Variants in RABGAP1L observed in about 807,000 individuals in gnomAD.
RABGAP1L encodes the protein RAB GTPase activating protein 1 like, also known as rab GTPase-activating protein 1-like.
Under a neutral mutation model 137.7 loss-of-function variants are expected in RABGAP1L, and 63 were observed. The ratio of observed to expected loss-of-function variants is 0.46; its 90% CI spans 0.37 to 0.56. The LOEUF (loss-of-function observed/expected upper bound fraction) is 0.56, where lower values mean the gene tolerates loss of function less well. RABGAP1L is among the 20% of genes least tolerant of loss of function. RABGAP1L has a pLI of 0.00. For synonymous variants in RABGAP1L, 431 were observed against 433.7 expected, an observed-to-expected ratio of 0.99 and a Z score of 0.08; for missense variants, 1,095 against 1,244.0, an observed-to-expected ratio of 0.88 and a Z score of 1.80.
At chr1:174,370,121 T>A (rs1170458919) in intron 11 of RABGAP1L, among the ~76,000 whole-genome samples, 2 of 152,220 alleles carry the variant, frequency 1.3e-5, no homozygotes, top group Non-Finnish European at 2.9e-5. Context: ...CCTCTTATAC[T>A]GTCACAGTGT....
intron 17 of RABGAP1L, among the ~76,000 whole-genome samples, chr1:174,742,537 A>C (rs1683530964): frequency 6.6e-6 from 1 of 152,160 alleles, no homozygotes; most frequent in African/African-American, 2.4e-5. Flanking sequence ...GAAGAAAGAA[A>C]AGTGGTATGA....
At chr1:174,696,866 G>A (rs1251485558) in intron 15 of RABGAP1L, among the ~76,000 whole-genome samples, 1 of 152,174 alleles carries the variant, frequency 6.6e-6, no homozygotes, top group African/African-American at 2.4e-5. Context: ...TTTTTATGAA[G>A]GTGTTTCTTG....
intron 13 of RABGAP1L, among the ~76,000 whole-genome samples, chr1:174,616,306 T>C (rs1671856438): frequency 6.6e-6 from 1 of 152,368 alleles, no homozygotes; most frequent in Admixed American, 6.5e-5. Context: ...ATGGTACAAA[T>C]TATTAGCTTT....
chr1:174,273,784 A>T (rs1337954435), intron 8 of RABGAP1L, among the ~76,000 whole-genome samples: 18 of 152,134 alleles, frequency 1.2e-4, no homozygotes, highest in Admixed American at 1.2e-3. Flanking sequence ...AGAATTATAG[A>T]ACTGGTATAA....
chr1:174,898,239 T>TA (rs1205146068), intron 19 of RABGAP1L, among the ~76,000 whole-genome samples: 11 of 152,274 alleles, frequency 7.2e-5, no homozygotes, highest in Non-Finnish European at 1.5e-5. Context: ...TTCAGGCCTG[T>TA]CTTACAGGTG....
At chr1:174,287,364 T>G (rs1268666469) in intron 10 of RABGAP1L, among the ~76,000 whole-genome samples, 1 of 152,236 alleles carries the variant, frequency 6.6e-6, no homozygotes, top group Non-Finnish European at 1.5e-5. Context: ...CTCTTTTGGT[T>G]AACATTTGCA....
intron 13 of RABGAP1L, among the ~76,000 whole-genome samples, chr1:174,458,644 A>G (rs1656315583): frequency 6.6e-6 from 1 of 152,108 alleles, no homozygotes; most frequent in African/African-American, 2.4e-5. Flanking sequence ...TACATTACTT[A>G]TATTTAGATT....
At chr1:174,954,423 AT>A (rs1668202718) in intron 19 of RABGAP1L, among the ~76,000 whole-genome samples, 2 of 152,342 alleles carry the variant, frequency 1.3e-5, no homozygotes, top group African/African-American at 4.8e-5. Flanking sequence ...TTTTAAAAAA[AT>A]GTTTCACTTT....
intron 17 of RABGAP1L, among the ~76,000 whole-genome samples, chr1:174,724,747 T>C (rs1244643558): frequency 1.3e-5 from 2 of 152,116 alleles, no homozygotes; most frequent in Non-Finnish European, 2.9e-5. Context: ...AAAAAATATA[T>C]ATGACTATAT....
intron 18 of RABGAP1L, among the ~76,000 whole-genome samples, chr1:174,809,623 G>A (rs1689667897): frequency 6.6e-6 from 1 of 152,168 alleles, no homozygotes; most frequent in Non-Finnish European, 1.5e-5. Context: ...TAATTGCATT[G>A]AAAATAGAAG....
At chr1:174,322,620 C>T (rs1231054665) in intron 11 of RABGAP1L, among the ~76,000 whole-genome samples, 1 of 152,166 alleles carries the variant, frequency 6.6e-6, no homozygotes, top group African/African-American at 2.4e-5. Flanking sequence ...CCTTATATTT[C>T]CTAGCCTTAG....
intron 13 of RABGAP1L, among the ~76,000 whole-genome samples, chr1:174,434,694 A>G (rs1653053091): frequency 1.3e-5 from 2 of 152,108 alleles, no homozygotes; most frequent in South Asian, 2.1e-4. Flanking sequence ...TTGTGGGTGT[A>G]TATTGGTATC....
intron 13 of RABGAP1L, among the ~76,000 whole-genome samples, chr1:174,471,853 A>T (rs896738966): frequency 6.6e-6 from 1 of 152,154 alleles, no homozygotes; most frequent in Non-Finnish European, 1.5e-5. Context: ...CAATATGACT[A>T]TATTTGAAAA....
chr1:174,966,398 T>C lies in RABGAP1L; in HGVS notation c.2434-2879T>C, dbSNP rs1322492064. Among the ~76,000 whole-genome samples the C allele has an allele frequency of 2.0e-5, 3 of 152,244 alleles. No homozygotes were observed. In the East Asian group the frequency reaches 5.8e-4, roughly 29 times the overall value. On this transcript the variant is annotated intron_variant, in intron 20 of 25. Coordinates refer to ENST00000681986, the MANE Select transcript of RABGAP1L (RefSeq NM_001366446.1). ...AGCCTGCATTGTGAAATATGTCATG[T>C]TGAAATTGTGCTGGTATTGTTACTC... is the stretch of plus-strand genomic sequence containing the variant.
chr1:174,416,127 A>G (rs1338462538), intron 13 of RABGAP1L, among the ~76,000 whole-genome samples: 9 of 150,550 alleles, frequency 6.0e-5, no homozygotes. Flanking sequence ...GTGACAGACC[A>G]TATCCCATTT....
At chr1:174,220,839 C>A in intron 2 of RABGAP1L, 133 bp from the exon 3 acceptor site, 1 of 748,258 alleles carries the variant, frequency 1.3e-6, no homozygotes, top group Non-Finnish European at 1.9e-6. Flanking sequence ...TGTGAAACAA[C>A]TTCTTAGTAT....
chr1:174,731,928 C>T (rs1276141183), intron 17 of RABGAP1L, among the ~76,000 whole-genome samples: 1 of 152,284 alleles, frequency 6.6e-6, no homozygotes. Context: ...ATGGGCTGGG[C>T]GTGGTGGTTC....
chr1:174,306,035 A>G (rs975525904), intron 11 of RABGAP1L, among the ~76,000 whole-genome samples: 21 of 152,042 alleles, frequency 1.4e-4, no homozygotes, highest in Non-Finnish European at 2.6e-4. Flanking sequence ...TGCCCTTGCA[A>G]TAGTTTGCTG....
At chr1:174,548,444 A>T (rs972180868) in intron 13 of RABGAP1L, 23 of 942,356 alleles carry the variant, frequency 2.4e-5, no homozygotes, top group African/African-American at 5.3e-5. Flanking sequence ...TTATATATGG[A>T]TATATCATAT....
Sources: allele counts gnomAD v4.1 joint callset (sites outside exome capture counted in the v4.1 genomes callset), GRCh38; gene constraint gnomAD v4.1.1; transcripts MANE v1.5; gene names NCBI Gene and HGNC (gene_info 2026-07-23, HGNC 2026-07-21).